TYRP1: variants seen among roughly 807,000 people sequenced by gnomAD.
The protein encoded by TYRP1 is 5,6-dihydroxyindole-2-carboxylic acid oxidase.
A neutral mutation model predicts 42.8 loss-of-function variants in TYRP1; 49 were observed. That is an observed-to-expected ratio of 1.14 (90% CI 0.91 to 1.45). The LOEUF (loss-of-function observed/expected upper bound fraction) is 1.45, where lower values mean the gene tolerates loss of function less well. TYRP1 is among the 40% of genes most tolerant of loss of function. The pLI is 0.00. For missense variants in TYRP1, 848 were observed against 662.0 expected, an observed-to-expected ratio of 1.28 and a Z score of -3.08; for synonymous variants, 279 against 235.4, an observed-to-expected ratio of 1.19 and a Z score of -1.69.
Position 12,709,391 on chromosome 9 carries a change from A to G in TYRP1, c.*209A>G, listed in dbSNP as rs1451199891. The G allele has an allele frequency of 1.7e-6, 1 of 575,494 alleles. No homozygotes were observed. The highest frequency in any genetic ancestry group is 3.0e-5 in the East Asian group (1 of 32,990). The allele number at this position is 575,494 out of a possible 1,614,324, so 35.6% of individuals were successfully genotyped here. ...GTTTTAATTTTCAGTTCTATTTAAA[A>G]TGGTGAATGACACTAAACTCCATGA... On this transcript the variant is annotated 3_prime_UTR_variant, in exon 8 of 8. Transcript: ENST00000388918.
intron 3 of TYRP1, 75 bp downstream of exon 3, chr9:12,695,912 A>G: frequency 1.1e-5 from 17 of 1,484,920 alleles, no homozygotes; most frequent in Non-Finnish European, 1.6e-5. Context: ...TTAATTCACT[A>G]GTTTTCAGAA....
At position 12,709,061 on chromosome 9, in the gene TYRP1, CTTATCTGA is replaced by C. The variant is rs1563858632; in HGVS notation, c.1496_1503del (p.Tyr499SerfsTer8). 6.2e-7 allele frequency: 1 copy of C among 1,612,810 alleles called. No homozygotes were observed. Among genetic ancestry groups the C allele is most frequent in the Admixed American group, 1.7e-5 (1 of 59,806 alleles). On this transcript the variant is annotated frameshift_variant, in exon 8 of 8. Transcript: ENST00000388918. LOFTEE classifies it high-confidence loss of function. ...GTTGCACTCATTTTTGGGACTGCTT[CTTATCTGA>C]TTCGTGCCAGACGCAGTATGGATGA... is the stretch of plus-strand genomic sequence containing the variant.
At position 12,693,975 on chromosome 9, in the gene TYRP1, T is replaced by G. The variant is rs1818034216; in HGVS notation, c.-22T>G. ...AAGAGCTGCAAACCAGGTCTTTGTT[T>G]TGCACTCTTATTTCAAGCAGAATGA... On this transcript the variant is annotated 5_prime_UTR_variant, in exon 2 of 8. Transcript: ENST00000388918. 1 of 1,613,442 alleles carries G rather than the reference T, an allele frequency of 6.2e-7. No individual in the cohort carries two copies. Among genetic ancestry groups the G allele is most frequent in the African/African-American group, 1.3e-5 (1 of 74,840 alleles).
chr9:12,694,190 G>A lies in TYRP1; in HGVS notation c.194G>A (p.Cys65Tyr), dbSNP rs777124807. The change falls in exon 2 of 8, where the codon TGT (cysteine) becomes TAT (tyrosine). Residue 65 changes from cysteine (C) to tyrosine (Y), a missense_variant. Coordinates refer to ENST00000388918, the MANE Select transcript of TYRP1 (RefSeq NM_000550.3). The stretch of plus-strand genomic sequence containing the variant: ...GGCTCATCATCAGGGAGGGGCAGAT[G>A]TGAGGCAGTGACTGCAGACTCCCGG... ...RCGSSSGRGR[C>Y]EAVTADSRPH... 30 of 1,613,950 alleles carry A rather than the reference G, an allele frequency of 1.9e-5. No individual in the cohort carries two copies. Among genetic ancestry groups the A allele is most frequent in the African/African-American group, 2.7e-5 (2 of 75,038 alleles).
chr9:12,706,032 C>G (rs1225322225), intron 6 of TYRP1, among the ~76,000 whole-genome samples: 2 of 151,936 alleles, frequency 1.3e-5, no homozygotes, highest in Non-Finnish European at 2.9e-5. Context: ...CAAATCTTTC[C>G]AAAATGTTCA....
chr9:12,698,966 A>G (rs1369042568), intron 4 of TYRP1, among the ~76,000 whole-genome samples: 1 of 152,136 alleles, frequency 6.6e-6, no homozygotes, highest in African/African-American at 2.4e-5. Flanking sequence ...TTTTCTTAGC[A>G]CTACTTAGAA....
chr9:12,700,301 C>T (rs1818145111), intron 4 of TYRP1: 1 of 151,428 alleles, frequency 6.6e-6, no homozygotes, highest in Admixed American at 6.6e-5. Context: ...ATAAAACCTT[C>T]TTTCTTTAAA....
intron 1 of TYRP1, among the ~76,000 whole-genome samples, chr9:12,693,695 G>A (rs758772424): frequency 3.3e-5 from 5 of 150,810 alleles, no homozygotes; most frequent in Admixed American, 1.3e-4. Flanking sequence ...ACAAAATGAC[G>A]AGGACAGGGA....
intron 5 of TYRP1, among the ~76,000 whole-genome samples, chr9:12,704,243 T>TAG (rs1818222196): frequency 6.6e-6 from 1 of 151,940 alleles, no homozygotes; most frequent in African/African-American, 2.4e-5. Flanking sequence ...CCTTGTCAAA[T>TAG]AGAGTGTCTA....
At chr9:12,697,902 G>C (rs547947332) in intron 3 of TYRP1, among the ~76,000 whole-genome samples, 1 of 152,122 alleles carries the variant, frequency 6.6e-6, no homozygotes, top group Admixed American at 6.6e-5. Context: ...AACACCTTCC[G>C]TGCTCAGTGT....
rs770414086 is a variant in TYRP1 at position 12,704,543 on chromosome 9, G to A, written c.1099G>A (p.Gly367Arg). The change falls in exon 6 of 8, where the codon GGA (glycine) becomes AGA (arginine). Residue 367 changes from glycine to arginine, a missense_variant. Transcript: ENST00000388918. Reference protein sequence around the residue: ...NTVEGYSDPTGKYDPAVRSLH... With the variant: ...NTVEGYSDPTRKYDPAVRSLH... ...GTGTCTAGGTTACAGTGACCCCACG[G>A]GAAAGTATGACCCTGCTGTTCGAAG... The A allele has an allele frequency of 6.2e-7, 1 of 1,612,480 alleles. No individual in the cohort carries two copies. The highest frequency in any genetic ancestry group is 8.5e-7 in the Non-Finnish European group (1 of 1,179,390).
chr9:12,704,686 G>C lies in TYRP1; in HGVS notation c.1242G>C (p.Trp414Cys), dbSNP rs1230730741. 1.2e-6 allele frequency: 2 copies of C among 1,612,798 alleles called. No individual in the cohort carries two copies. Among genetic ancestry groups the C allele is most frequent in the African/African-American group, 1.3e-5 (1 of 74,816 alleles). ...TCACAGATGCAGTCTTTGATGAATG[G>C]CTGAGGAGATACAATGCTGGTAAGA... ...HTFTDAVFDE[W>C]LRRYNADIST... is the part of the protein sequence containing the mutation. Residue 414 changes from tryptophan to cysteine, a missense_variant, in exon 6 of 8, where the codon TGG becomes TGC. Transcript: ENST00000388918.
intron 7 of TYRP1, 128 bp from the exon 8 acceptor site, chr9:12,708,849 A>G: frequency 1.1e-6 from 1 of 877,384 alleles, no homozygotes; most frequent in Non-Finnish European, 1.8e-6. Context: ...CTTCAAGGCC[A>G]TGTGGCCAAT....
chr9:12,703,694 A>G (rs1182085194), intron 5 of TYRP1, among the ~76,000 whole-genome samples: 1 of 151,968 alleles, frequency 6.6e-6, no homozygotes, highest in Non-Finnish European at 1.5e-5. Context: ...TTCATCTTAG[A>G]TGAAGAGAGA....
At chr9:12,703,881 A>ATG (rs895369253) in intron 5 of TYRP1, among the ~76,000 whole-genome samples, 24 of 41,656 alleles carry the variant, frequency 5.8e-4, no homozygotes, top group East Asian at 1.5e-3. Flanking sequence ...ATATATATAT[A>ATG]TATGTGTGTG....
At position 12,709,366 on chromosome 9, in the gene TYRP1, G is replaced by C. The variant is rs541780478; in HGVS notation, c.*184G>C. On this transcript the variant is annotated 3_prime_UTR_variant, in exon 8 of 8. Transcript: ENST00000388918. ...GACCCTTTCAGAATCTTTTCAATGG[G>C]TTTTAATTTTCAGTTCTATTTAAAA... is the stretch of plus-strand genomic sequence containing the variant. The C allele has an allele frequency of 3.2e-6, 2 of 628,408 alleles. No homozygotes were observed. Among genetic ancestry groups the C allele is most frequent in the Non-Finnish European group, 5.5e-6 (2 of 360,682 alleles). 38.9% of individuals were successfully genotyped at this position (628,408 alleles called of 1,614,324 possible).
rs77898411 is a variant in TYRP1 at position 12,698,700 on chromosome 9, A to G, written c.913+45A>G. The stretch of plus-strand genomic sequence containing the variant: ...TTGGAGTCAGAATTTCTTTTTAGAT[A>G]AAGAGATTAAATATGTTGCCTGAAA... On this transcript the variant is annotated intron_variant, in intron 4 of 7. Coordinates refer to ENST00000388918, the MANE Select transcript of TYRP1 (RefSeq NM_000550.3). 1.2e-3 allele frequency: 1,906 copies of G among 1,568,910 alleles called. 17 individuals are homozygous for G. In the African/African-American group the frequency reaches 0.022, roughly 18 times the overall value.
At chr9:12,697,070 C>T (rs1271321007) in intron 3 of TYRP1, among the ~76,000 whole-genome samples, 1 of 152,070 alleles carries the variant, frequency 6.6e-6, no homozygotes, top group Non-Finnish European at 1.5e-5. Context: ...ATACTCTGAA[C>T]GTCATATTTT....
At chr9:12,704,011 A>AGAT (rs1818218612) in intron 5 of TYRP1, among the ~76,000 whole-genome samples, 2 of 151,948 alleles carry the variant, frequency 1.3e-5, no homozygotes, top group South Asian at 4.1e-4. Context: ...ACTAGCACAA[A>AGAT]GATGGAAAGA....
Sources: gnomAD v4.1 joint callset for allele counts (sites outside exome capture counted in the v4.1 genomes callset) on GRCh38, gnomAD v4.1.1 for gene constraint, MANE v1.5 for transcripts, NCBI Gene and HGNC (gene_info 2026-07-23, HGNC 2026-07-21) for gene names.